LY6K: variants seen among roughly 807,000 people sequenced by gnomAD.
LY6K encodes the protein lymphocyte antigen 6K.
LY6K carries 9 observed loss-of-function variants against 10.4 expected under a neutral mutation model. The observed-to-expected ratio is 0.87, with a 90% CI of 0.52 to 1.52. The LOEUF (loss-of-function observed/expected upper bound fraction) is 1.52. Among genes scored for constraint, LY6K ranks in the 40% most tolerant of loss-of-function variants. LY6K has a pLI of 0.00. For missense variants in LY6K, 217 were observed against 211.7 expected (o/e 1.02, Z -0.15); for synonymous variants, 98 against 83.7 (o/e 1.17, Z -0.94).
intron 2 of LY6K, 123 bp downstream of exon 2, chr8:142,701,836 A>G: frequency 1.8e-6 from 1 of 565,442 alleles, no homozygotes; most frequent in East Asian, 3.2e-5. Flanking sequence ...TTTTTTTTTT[A>G]TTTTCTGAGA....
intron 2 of LY6K, 125 bp from the exon 3 acceptor site, chr8:142,702,966 C>T: frequency 6.4e-7 from 1 of 1,554,282 alleles, no homozygotes; most frequent in East Asian, 2.4e-5. Context: ...CCCCTTGGTG[C>T]CCCAGTTGAC....
intron 2 of LY6K, chr8:142,702,865 C>T: frequency 6.5e-6 from 10 of 1,542,014 alleles, no homozygotes; most frequent in Non-Finnish European, 7.9e-6. Flanking sequence ...CCCGCATTCC[C>T]AGTGCATATG....
At chr8:142,701,179 G>A (rs1303930757) in intron 1 of LY6K, among the ~76,000 whole-genome samples, 1 of 152,244 alleles carries the variant, frequency 6.6e-6, no homozygotes, top group Admixed American at 6.5e-5. Context: ...GCCGAGTGGG[G>A]GTGCGCTGTG....
At chr8:142,702,310 G>A (rs1204561944) in intron 2 of LY6K, 3 of 594,316 alleles carry the variant, frequency 5.0e-6, no homozygotes, top group Non-Finnish European at 9.0e-6. Context: ...AGAGAACAGT[G>A]TCTATGTCAC....
In LY6K at chr8:142,700,485, G is replaced by T. The variant is rs3736005; in HGVS notation, c.-43G>T. 2,897 of 1,541,304 alleles carry T rather than the reference G, an allele frequency of 1.9e-3. 36 individuals carry two copies. The African/African-American group carries it at 0.022, about 12-fold the overall frequency. On this transcript the variant is annotated 5_prime_UTR_variant, in exon 1 of 3. In the 5' UTR this introduces an upstream ATG that the reference lacks. Coordinates refer to ENST00000292430, the MANE Select transcript of LY6K (RefSeq NM_017527.4). ...TGCGAAGGTTCCAGAAGGGCGGGGA[G>T]GGGGCGCCGCGCGCTGACCCTCCCT...
In LY6K at chr8:142,700,407, G is replaced by C. The variant is rs587652453; in HGVS notation, c.-121G>C. ...CGGCGGGTGGGAGGCGCGCGCCCCGGGGCGGGCGGGGCTCCCCCTACCGGC... is the reference window on the plus strand; with the variant it reads ...CGGCGGGTGGGAGGCGCGCGCCCCGCGGCGGGCGGGGCTCCCCCTACCGGC... On this transcript the variant is annotated 5_prime_UTR_variant, in exon 1 of 3. Transcript: ENST00000292430. The C allele has an allele frequency of 1.5e-6, 2 of 1,351,422 alleles. No homozygotes were observed. The highest frequency in any genetic ancestry group is 1.5e-5 in the African/African-American group (1 of 65,072). The allele number at this position is 1,351,422 out of a possible 1,614,324, so 83.7% of individuals were successfully genotyped here. A position where few individuals can be genotyped will look rare whatever the true frequency, so the allele number is the denominator to read the frequency against.
intron 2 of LY6K, chr8:142,702,552 C>T: frequency 6.5e-7 from 1 of 1,535,724 alleles, no homozygotes; most frequent in East Asian, 2.4e-5. Flanking sequence ...CACTCTCCAG[C>T]CCTTCGGTAT....
rs372747290 is a variant in LY6K, at chr8:142,701,621, G to A, written c.125G>A (p.Trp42Ter). 6.2e-7 allele frequency: 1 copy of A among 1,611,910 alleles called. No homozygotes were observed. The highest frequency in any genetic ancestry group is 1.3e-5 in the African/African-American group (1 of 74,972). ...QRTDEGDNRVWCHVCERENTF... is the reference protein window; with the variant it reads ...QRTDEGDNRV ...TCAGACGAGGGTGACAATAGAGTGT[G>A]GTGTCATGTTTGTGAGAGAGAAAAC... Residue 42 changes from tryptophan to a stop codon, truncating the protein, a stop_gained, in exon 2 of 3, where the codon TGG becomes TAG. Transcript: ENST00000292430. LOFTEE classifies it high-confidence loss of function.
At position 142,700,609 on chromosome 8, in the gene LY6K, C is replaced by A. The variant is rs1168393871; in HGVS notation, c.82C>A (p.Pro28Thr). The change falls in exon 1 of 3, where the codon CCA becomes ACA. Residue 28 changes from proline to threonine, a missense_variant. Pro to Thr is a conservative substitution (Grantham distance 38). Coordinates refer to ENST00000292430, the MANE Select transcript of LY6K (RefSeq NM_017527.4). ...DANLTARQRDPEDSQRTDEGD... is the reference protein window; with the variant it reads ...DANLTARQRDTEDSQRTDEGD... ...CAACCTGACTGCGAGACAACGAGATCCAGAGGACTCCCAGCGAACGGGTGA... is the reference window on the plus strand; with the variant it reads ...CAACCTGACTGCGAGACAACGAGATACAGAGGACTCCCAGCGAACGGGTGA... 2 of 1,568,554 alleles carry A rather than the reference C, an allele frequency of 1.3e-6. No individual in the cohort carries two copies. Among genetic ancestry groups the A allele is most frequent in the East Asian group, 2.5e-5 (1 of 39,854 alleles).
chr8:142,700,338 G>T lies in LY6K; in HGVS notation c.-190G>T. 7.6e-7 allele frequency: 1 copy of T among 1,308,520 alleles called. No homozygotes were observed. Among genetic ancestry groups the T allele is most frequent in the East Asian group, 3.3e-5 (1 of 30,646 alleles). 81.1% of individuals were successfully genotyped at this position (1,308,520 alleles called of 1,614,324 possible). A position where few individuals can be genotyped will look rare whatever the true frequency, so the allele number is the denominator to read the frequency against. On this transcript the variant is annotated 5_prime_UTR_variant, in exon 1 of 3. Transcript: ENST00000292430. ...GAACCGGCGTTCAGGGCCGCCAGCG[G>T]CCGCGAGGCCCTGAGATGAGGCTCC...
chr8:142,702,320 C>G (rs1357152909), intron 2 of LY6K: 3 of 603,416 alleles, frequency 5.0e-6, no homozygotes, highest in Admixed American at 5.5e-5. Flanking sequence ...GTCTATGTCA[C>G]TCTTACAAGA....
chr8:142,701,518 T>G lies in LY6K; in HGVS notation c.104-82T>G, dbSNP rs1023721219. 1.2e-4 allele frequency: 114 copies of G among 913,780 alleles called. 1 individual carries two copies. In the African/African-American group the frequency reaches 1.8e-3, roughly 14 times the overall value. 56.6% of individuals were successfully genotyped at this position (913,780 alleles called of 1,614,324 possible). A position where few individuals can be genotyped will look rare whatever the true frequency, so the allele number is the denominator to read the frequency against. ...GAAGGATGGGGACCCGCCGAGTTTG[T>G]GCTGGTCGGATGCCGGCTGTGTTCA... On this transcript the variant is annotated intron_variant, in intron 1 of 2. Coordinates refer to ENST00000292430, the MANE Select transcript of LY6K (RefSeq NM_017527.4).
At position 142,701,636 on chromosome 8, in the gene LY6K, A is replaced by G; in HGVS notation, c.140A>G (p.Glu47Gly). 4 of 1,613,670 alleles carry G rather than the reference A, an allele frequency of 2.5e-6. No homozygotes were observed. The highest frequency in any genetic ancestry group is 2.5e-6 in the Non-Finnish European group (3 of 1,179,672). Residue 47 changes from glutamate to glycine, a missense_variant, in exon 2 of 3, where the codon GAG becomes GGG. Coordinates refer to ENST00000292430, the MANE Select transcript of LY6K (RefSeq NM_017527.4). ...GDNRVWCHVC[E>G]RENTFECQNP... The stretch of plus-strand genomic sequence containing the variant: ...AATAGAGTGTGGTGTCATGTTTGTG[A>G]GAGAGAAAACACTTTCGAGTGCCAG...
At position 142,701,693 on chromosome 8, in the gene LY6K, A is replaced by G. The variant is rs919913681; in HGVS notation, c.197A>G (p.Tyr66Cys). The G allele has an allele frequency of 6.2e-7, 1 of 1,613,466 alleles. No individual in the cohort carries two copies. The highest frequency in any genetic ancestry group is 8.5e-7 in the Non-Finnish European group (1 of 1,179,466). Residue 66 changes from tyrosine to cysteine, a missense_variant, in exon 2 of 3, where the codon TAC (tyrosine) becomes TGC (cysteine). Coordinates refer to ENST00000292430, the MANE Select transcript of LY6K (RefSeq NM_017527.4). ...AGGAGGTGCAAATGGACAGAGCCAT[A>G]CTGCGTTATAGCGGCCGTGAGTGAG... ...NPRRCKWTEP[Y>C]CVIAAVKIFP...
intron 2 of LY6K, chr8:142,702,090 T>C: frequency 3.6e-6 from 1 of 281,068 alleles, no homozygotes; most frequent in Non-Finnish European, 6.8e-6. Context: ...ATTACAAGCG[T>C]AAGCCACCGC....
rs782626985 is a variant in LY6K, at chr8:142,701,701, A to G, written c.205A>G (p.Ile69Val). 3 of 1,612,530 alleles carry G rather than the reference A, an allele frequency of 1.9e-6. No individual in the cohort carries two copies. The African/African-American group carries it at 4.0e-5, about 22-fold the overall frequency. ...RCKWTEPYCV[I>V]AAVKIFPRFF... ...CAAATGGACAGAGCCATACTGCGTT[A>G]TAGCGGCCGTGAGTGAGTATCTTCG... Residue 69 changes from isoleucine to valine, a missense_variant, in exon 2 of 3, where the codon ATA becomes GTA. Coordinates refer to ENST00000292430, the MANE Select transcript of LY6K (RefSeq NM_017527.4).
chr8:142,701,476 G>C (rs1815030441), intron 1 of LY6K, 124 bp from the exon 2 acceptor site: 1 of 674,116 alleles, frequency 1.5e-6, no homozygotes. Flanking sequence ...TGTGGCCCCA[G>C]CCACTGCTCA....
chr8:142,701,556 G>A (rs587605447), intron 1 of LY6K, 44 bp from the exon 2 acceptor site: 10 of 1,328,590 alleles, frequency 7.5e-6, no homozygotes, highest in East Asian at 7.0e-5. Context: ...AGATAGGCAC[G>A]GAGAACTGGA....
chr8:142,700,347 C>T lies in LY6K; in HGVS notation c.-181C>T. 3 of 1,324,892 alleles carry T rather than the reference C, an allele frequency of 2.3e-6. No individual in the cohort carries two copies. The highest frequency in any genetic ancestry group is 3.2e-5 in the East Asian group (1 of 31,108). The allele number at this position is 1,324,892 out of a possible 1,614,324, so 82.1% of individuals were successfully genotyped here. A position where few individuals can be genotyped will look rare whatever the true frequency, so the allele number is the denominator to read the frequency against. On this transcript the variant is annotated 5_prime_UTR_variant, in exon 1 of 3. Coordinates refer to ENST00000292430, the MANE Select transcript of LY6K (RefSeq NM_017527.4). The stretch of plus-strand genomic sequence containing the variant: ...TTCAGGGCCGCCAGCGGCCGCGAGG[C>T]CCTGAGATGAGGCTCCAAAGACCCC...
Sources: gnomAD v4.1 joint callset for allele counts (sites outside exome capture counted in the v4.1 genomes callset) on GRCh38, gnomAD v4.1.1 for gene constraint, MANE v1.5 for transcripts, NCBI Gene and HGNC (gene_info 2026-07-23, HGNC 2026-07-21) for gene names.